Variants in MNS1 observed in about 807,000 individuals in gnomAD.
MNS1 encodes the protein meiosis specific nuclear structural 1.
Under a neutral mutation model 72.0 loss-of-function variants are expected in MNS1, and 63 were observed. The ratio of observed to expected loss-of-function variants is 0.87; its 90% CI spans 0.71 to 1.08. The LOEUF is 1.08. MNS1 is among the 50% of genes least tolerant of loss of function. MNS1 has a pLI of 0.00. For synonymous variants in MNS1, 188 were observed against 172.1 expected (o/e 1.09, Z -0.72); for missense variants, 604 against 562.4 (o/e 1.07, Z -0.75).
At position 56,446,852 on chromosome 15, in the gene MNS1, A is replaced by C; in HGVS notation, c.445T>G (p.Tyr149Asp). ...AQIAEKDAIK[Y>D]EQMKRDAEIA... The stretch of plus-strand genomic sequence containing the variant: ...AGAAACATGATTACCATTTGTTCAT[A>C]TTTAATGGCATCCTTTTCAGCAATC... Residue 149 changes from tyrosine (Y) to aspartate (D), a missense_variant, in exon 4 of 10, where the codon TAT (tyrosine) becomes GAT (aspartate). Physicochemically the swap from Tyr to Asp is radical, Grantham distance 160. Transcript: ENST00000260453. 6.2e-7 allele frequency: 1 copy of C among 1,606,462 alleles called. No homozygotes were observed. The highest frequency in any genetic ancestry group is 8.5e-7 in the Non-Finnish European group (1 of 1,175,316).
At chr15:56,438,980 A>G (rs1239205708) in intron 7 of MNS1, among the ~76,000 whole-genome samples, 1 of 152,124 alleles carries the variant, frequency 6.6e-6, no homozygotes, top group Non-Finnish European at 1.5e-5. Flanking sequence ...AAGGAAAGGA[A>G]GTAAAAAGTA....
At chr15:56,449,624 T>C (rs2050934468) in intron 3 of MNS1, among the ~76,000 whole-genome samples, 1 of 152,230 alleles carries the variant, frequency 6.6e-6, no homozygotes, top group African/African-American at 2.4e-5. Flanking sequence ...TTTTTCTGTT[T>C]TACAGAACTA....
chr15:56,462,923 A>G (rs2051032460), intron 2 of MNS1, among the ~76,000 whole-genome samples: 1 of 152,158 alleles, frequency 6.6e-6, no homozygotes, highest in East Asian at 1.9e-4. Context: ...GAATAGGAAA[A>G]ATATCCAACC....
Position 56,443,957 on chromosome 15 carries a change from C to T in MNS1, c.687-103G>A, listed in dbSNP as rs1690275141. 5 of 880,196 alleles carry T rather than the reference C, an allele frequency of 5.7e-6. No individual in the cohort carries two copies. In the East Asian group the frequency reaches 1.4e-4, roughly 24 times the overall value. 54.5% of individuals were successfully genotyped at this position (880,196 alleles called of 1,614,324 possible). On this transcript the variant is annotated intron_variant, in intron 5 of 9. Transcript: ENST00000260453. Reference sequence around the variant, plus strand: ...GTACAGAAAAACACTATAGTTTTTTCATTCGTGCATGCAACAAACATTTTG... The same window carrying T: ...GTACAGAAAAACACTATAGTTTTTTTATTCGTGCATGCAACAAACATTTTG...
At chr15:56,441,737 A>G (rs570951918) in intron 7 of MNS1, among the ~76,000 whole-genome samples, 2 of 152,330 alleles carry the variant, frequency 1.3e-5, no homozygotes, top group Admixed American at 6.5e-5. Context: ...TAGACTGGCC[A>G]GGCACGGTGG....
chr15:56,432,621 G>A (rs775477342), intron 8 of MNS1, among the ~76,000 whole-genome samples: 8 of 152,182 alleles, frequency 5.3e-5, no homozygotes, highest in Admixed American at 1.3e-4. Flanking sequence ...ATTTGTATAA[G>A]TATCTATGCA....
chr15:56,438,998 C>T (rs1223041132), intron 7 of MNS1, among the ~76,000 whole-genome samples: 1 of 151,918 alleles, frequency 6.6e-6, no homozygotes, highest in Admixed American at 6.6e-5. Context: ...GTATACAGAT[C>T]AGAAAGGAAG....
In MNS1 at chr15:56,460,009, A is replaced by AAAAAAAATATATATATATATATATATAT; in HGVS notation, c.226-3489_226-3488insATATATATATATATATATATATTTTTTT. Among the ~76,000 whole-genome samples, 8 of 26,384 alleles carry AAAAAAAATATATATATATATATATATAT rather than the reference A, an allele frequency of 3.0e-4. 1 individual carries two copies. Among genetic ancestry groups the AAAAAAAATATATATATATATATATATAT allele is most frequent in the Non-Finnish European group, 3.5e-4 (5 of 14,306 alleles). The allele number at this position is 26,384 out of a possible 152,430, so 17.3% of individuals were successfully genotyped here. ...CTGTCTCAAAAAAAAAAAAAAAAAA[A>AAAAAAAATATATATATATATATATATAT]ATACATATATATATATATATATATA... On this transcript the variant is annotated intron_variant, in intron 2 of 9. Coordinates refer to ENST00000260453, the MANE Select transcript of MNS1 (RefSeq NM_018365.4).
intron 3 of MNS1, among the ~76,000 whole-genome samples, chr15:56,454,372 T>TTAG (rs140739203): frequency 7.9e-5 from 12 of 151,328 alleles, no homozygotes; most frequent in African/African-American, 2.4e-4. Flanking sequence ...AATTATACTC[T>TTAG]TTATTTTTAA....
At chr15:56,454,608 A>T (rs2050969527) in intron 3 of MNS1, among the ~76,000 whole-genome samples, 1 of 152,068 alleles carries the variant, frequency 6.6e-6, no homozygotes, top group African/African-American at 2.4e-5. Context: ...GTTGGATTTT[A>T]AAAGTTTTAT....
At chr15:56,431,919 A>ATGAT (rs1422433569) in intron 8 of MNS1, among the ~76,000 whole-genome samples, 1 of 152,070 alleles carries the variant, frequency 6.6e-6, no homozygotes, top group African/African-American at 2.4e-5. Context: ...ATATATAAAG[A>ATGAT]TGATATGAAG....
chr15:56,431,254 T>C (rs1417996579), intron 9 of MNS1, 119 bp downstream of exon 9: 1 of 1,173,434 alleles, frequency 8.5e-7, no homozygotes, highest in African/African-American at 1.5e-5. Flanking sequence ...GAGGATCCCA[T>C]TGCTGCTTCA....
intron 8 of MNS1, among the ~76,000 whole-genome samples, chr15:56,433,845 T>C (rs1301237166): frequency 2.0e-5 from 3 of 152,194 alleles, no homozygotes; most frequent in African/African-American, 7.2e-5. Flanking sequence ...GTACATGACA[T>C]ATTTATAATT....
At chr15:56,431,345 A>G in intron 9 of MNS1, 28 bp downstream of exon 9, 1 of 1,607,036 alleles carries the variant, frequency 6.2e-7, no homozygotes, top group Non-Finnish European at 8.5e-7. Flanking sequence ...GGTCATGAAG[A>G]TTACAACTTG....
intron 9 of MNS1, chr15:56,430,064 T>G (rs779916887): frequency 3.3e-5 from 5 of 152,236 alleles, no homozygotes; most frequent in Non-Finnish European, 7.3e-5. Context: ...ATATATCTTT[T>G]TCCTTCCTTA....
At chr15:56,456,657 G>C in intron 2 of MNS1, 136 bp from the exon 3 acceptor site, 1 of 902,380 alleles carries the variant, frequency 1.1e-6, no homozygotes, top group Non-Finnish European at 1.6e-6. Context: ...AATACAAAAT[G>C]TTGTTTCAAT....
At position 56,431,502 on chromosome 15, in the gene MNS1, G is replaced by C. The variant is rs2050595204; in HGVS notation, c.1270-4C>G. 1 of 1,613,300 alleles carries C rather than the reference G, an allele frequency of 6.2e-7. No individual in the cohort carries two copies. The highest frequency in any genetic ancestry group is 8.5e-7 in the Non-Finnish European group (1 of 1,179,816). ...GCCACTCTTCTAGTTCACGTTGCTGGAAATGCAGATCAAATTTTGTTATCA... is the reference window on the plus strand; with the variant it reads ...GCCACTCTTCTAGTTCACGTTGCTGCAAATGCAGATCAAATTTTGTTATCA... On this transcript the variant is annotated splice_polypyrimidine_tract_variant and splice_region_variant and intron_variant, in intron 8 of 9. Transcript: ENST00000260453.
chr15:56,432,543 G>A (rs1238898455), intron 8 of MNS1, among the ~76,000 whole-genome samples: 1 of 152,064 alleles, frequency 6.6e-6, no homozygotes, highest in African/African-American at 2.4e-5. Flanking sequence ...CCAATCAAAC[G>A]GACAAAACTA....
chr15:56,455,985 C>T lies in MNS1; in HGVS notation c.353+409G>A, dbSNP rs375814285. ...GGGGGAAGATAATTTAACATTAAGA[C>T]TAAAGTTCCTACTGCAGTTACTAGA... On this transcript the variant is annotated intron_variant, in intron 3 of 9. Coordinates refer to ENST00000260453, the MANE Select transcript of MNS1 (RefSeq NM_018365.4). Among the ~76,000 whole-genome samples the T allele has an allele frequency of 1.1e-4, 16 of 152,188 alleles. No homozygotes were observed. In the East Asian group the frequency reaches 1.7e-3, roughly 16 times the overall value.
Sources: allele counts gnomAD v4.1 joint callset (sites outside exome capture counted in the v4.1 genomes callset), GRCh38; gene constraint gnomAD v4.1.1; transcripts MANE v1.5; gene names NCBI Gene and HGNC (gene_info 2026-07-23, HGNC 2026-07-21).